Variants in ATRNL1 observed in about 807,000 individuals in gnomAD.
The protein encoded by ATRNL1 is attractin like 1, also known as attractin-like protein 1.
A neutral mutation model predicts 182.7 loss-of-function variants in ATRNL1; 95 were observed. The ratio of observed to expected loss-of-function variants is 0.52; its 90% CI spans 0.44 to 0.62. The LOEUF (loss-of-function observed/expected upper bound fraction) is 0.62, where lower values mean the gene tolerates loss of function less well. Ranked by LOEUF, ATRNL1 falls within the 20% of genes least tolerant of loss-of-function variation. ATRNL1 has a pLI of 0.00. For synonymous variants in ATRNL1, 576 were observed against 568.3 expected, an observed-to-expected ratio of 1.01 and a Z score of -0.19; for missense variants, 1,471 against 1,679.5, an observed-to-expected ratio of 0.88 and a Z score of 2.17.
intron 21 of ATRNL1, among the ~76,000 whole-genome samples, chr10:115,453,812 G>C: frequency 5.7e-5 from 8 of 141,236 alleles, no homozygotes; most frequent in Admixed American, 1.4e-4. Flanking sequence ...TTGGGGGAGG[G>C]GGGAGGGATA....
chr10:115,307,348 C>T (rs1251338831), intron 17 of ATRNL1, among the ~76,000 whole-genome samples: 4 of 152,112 alleles, frequency 2.6e-5, no homozygotes, highest in African/African-American at 9.7e-5. Flanking sequence ...GTGCAATCTC[C>T]GCCTTCTGGG....
chr10:115,941,832 C>T (rs575229890), intron 28 of ATRNL1, among the ~76,000 whole-genome samples: 1 of 152,290 alleles, frequency 6.6e-6, no homozygotes, highest in African/African-American at 2.4e-5. Context: ...ATTAATTAAA[C>T]AAATAATGAA....
intron 26 of ATRNL1, among the ~76,000 whole-genome samples, chr10:115,649,154 G>A (rs1276999385): frequency 2.0e-5 from 3 of 151,928 alleles, no homozygotes; most frequent in South Asian, 2.1e-4. Context: ...TTTATTTGTC[G>A]CTTTAATTAT....
chr10:115,921,896 T>C (rs1953074883), intron 28 of ATRNL1, among the ~76,000 whole-genome samples: 1 of 152,226 alleles, frequency 6.6e-6, no homozygotes, highest in African/African-American at 2.4e-5. Flanking sequence ...ATATTGTGAC[T>C]AATCGAGAGT....
intron 10 of ATRNL1, among the ~76,000 whole-genome samples, chr10:115,253,636 A>C (rs1850979700): frequency 6.6e-6 from 1 of 152,098 alleles, no homozygotes; most frequent in African/African-American, 2.4e-5. Flanking sequence ...TCTAGGGTAC[A>C]TGCGCATAAT....
At chr10:115,170,117 G>C (rs1043484613) in intron 7 of ATRNL1, among the ~76,000 whole-genome samples, 16 of 152,024 alleles carry the variant, frequency 1.1e-4, no homozygotes, top group Non-Finnish European at 2.4e-4. Flanking sequence ...TTCCAATCTG[G>C]ATGTCTTTAT....
chr10:115,775,893 G>C (rs1949111594), intron 27 of ATRNL1, among the ~76,000 whole-genome samples: 1 of 150,228 alleles, frequency 6.7e-6, no homozygotes, highest in South Asian at 2.1e-4. Context: ...GGGAGGCGGA[G>C]GTTGCAGTGA....
At chr10:115,405,353 C>T (rs1303278832) in intron 20 of ATRNL1, among the ~76,000 whole-genome samples, 3 of 152,172 alleles carry the variant, frequency 2.0e-5, no homozygotes, top group Non-Finnish European at 4.4e-5. Context: ...TACTGCTATA[C>T]ACTAGTATGT....
chr10:115,428,375 G>A (rs1845999777), intron 21 of ATRNL1, among the ~76,000 whole-genome samples: 2 of 151,808 alleles, frequency 1.3e-5, no homozygotes, highest in African/African-American at 4.8e-5. Context: ...TCTCTTGATG[G>A]TTTTCTTTCT....
Position 115,093,837 on chromosome 10 carries a change from C to G in ATRNL1, c.87C>G (p.Gly29=), listed in dbSNP as rs1554862326. The G allele has an allele frequency of 9.9e-6, 15 of 1,516,528 alleles. No individual in the cohort carries two copies. The highest frequency in any genetic ancestry group is 5.0e-5 in the South Asian group (4 of 79,434). The allele number at this position is 1,516,528 out of a possible 1,614,324, so 93.9% of individuals were successfully genotyped here. ...VWRARPAGGG[G]GGASSWLLDG... is the part of the protein sequence containing the mutation. ...GGGCTCGGCCGGCGGGCGGCGGCGGCGGGGGCGCCTCCTCCTGGCTGCTGG... is the reference window on the plus strand; with the variant it reads ...GGGCTCGGCCGGCGGGCGGCGGCGGGGGGGGCGCCTCCTCCTGGCTGCTGG... The change falls in exon 1 of 29, where the codon GGC becomes GGG. Residue 29 remains glycine, a synonymous_variant. Transcript: ENST00000355044. This position sits in a 1 kb window ranked among gnomAD's most constrained non-coding sequence, Gnocchi z 6.1.
At chr10:115,759,310 A>AAAAC (rs1467813192) in intron 27 of ATRNL1, among the ~76,000 whole-genome samples, 3 of 152,130 alleles carry the variant, frequency 2.0e-5, no homozygotes, top group Non-Finnish European at 4.4e-5. Flanking sequence ...GTTCTATGAG[A>AAAAC]AAACATAAGC....
In ATRNL1 at chr10:115,944,903, C is replaced by T; in HGVS notation, c.*124C>T. 1 of 1,165,058 alleles carries T rather than the reference C, an allele frequency of 8.6e-7. No homozygotes were observed. Among genetic ancestry groups the T allele is most frequent in the Non-Finnish European group, 1.1e-6 (1 of 877,022 alleles). The allele number at this position is 1,165,058 out of a possible 1,614,324, so 72.2% of individuals were successfully genotyped here. ...TCATCCAGAGCCTGAGTACAGTTTC[C>T]TTCCAAATGGACAATGACCCAGGTG... On this transcript the variant is annotated 3_prime_UTR_variant, in exon 29 of 29. Transcript: ENST00000355044.
intron 28 of ATRNL1, among the ~76,000 whole-genome samples, chr10:115,893,483 A>T (rs782398071): frequency 2.0e-5 from 3 of 152,166 alleles, no homozygotes; most frequent in Non-Finnish European, 2.9e-5. Context: ...ATAATATATG[A>T]CTCAACAGAT....
intron 8 of ATRNL1, among the ~76,000 whole-genome samples, chr10:115,212,896 A>G (rs1554895339): frequency 6.6e-6 from 1 of 152,122 alleles, no homozygotes; most frequent in Non-Finnish European, 1.5e-5. Flanking sequence ...ACTAATGGGT[A>G]CTAGGCTTAA....
chr10:115,102,440 A>G (rs568005373), intron 1 of ATRNL1, among the ~76,000 whole-genome samples: 9 of 152,144 alleles, frequency 5.9e-5, no homozygotes, highest in African/African-American at 2.2e-4. Context: ...ATGTGTATAT[A>G]TATATACACA....
chr10:115,593,465 CA>C (rs1275799696), intron 26 of ATRNL1, among the ~76,000 whole-genome samples: 1 of 152,122 alleles, frequency 6.6e-6, no homozygotes, highest in African/African-American at 2.4e-5. Context: ...TGATCTTTGG[CA>C]AAGGTGACAA....
intron 28 of ATRNL1, among the ~76,000 whole-genome samples, chr10:115,927,375 T>G (rs2134582400): frequency 6.6e-6 from 1 of 152,256 alleles, no homozygotes; most frequent in African/African-American, 2.4e-5. Flanking sequence ...AAATGATTAA[T>G]AATGTTTGAA....
chr10:115,454,590 T>C lies in ATRNL1; in HGVS notation c.3323-7351T>C, dbSNP rs566061882. On this transcript the variant is annotated intron_variant, in intron 21 of 28. Coordinates refer to ENST00000355044, the MANE Select transcript of ATRNL1 (RefSeq NM_207303.4). ...AATTTCTTTTGTCAATGTTTTATAG[T>C]TTTTAATGTTCAAGTCTTTATTCTC... Among the ~76,000 whole-genome samples the C allele has an allele frequency of 3.3e-5, 5 of 152,238 alleles. No individual in the cohort carries two copies. The East Asian group carries it at 9.6e-4, about 29-fold the overall frequency.
At chr10:115,265,170 T>C in intron 10 of ATRNL1, 23 bp from the exon 11 acceptor site, 1 of 1,474,050 alleles carries the variant, frequency 6.8e-7, no homozygotes, top group Non-Finnish European at 9.4e-7. Context: ...TCATTTTTTG[T>C]TTTTCTGTTT....
Sources: allele counts gnomAD v4.1 joint callset (sites outside exome capture counted in the v4.1 genomes callset), GRCh38; gene constraint gnomAD v4.1.1; non-coding constraint Gnocchi (gnomAD v3.1); transcripts MANE v1.5; gene names NCBI Gene and HGNC (gene_info 2026-07-23, HGNC 2026-07-21).